ECM2: variants seen among roughly 807,000 people sequenced by gnomAD.
ECM2 encodes the protein extracellular matrix protein 2.
In ECM2, 57 loss-of-function variants were observed where a neutral mutation model predicts 67.5. The ratio of observed to expected loss-of-function variants is 0.84; its 90% CI spans 0.68 to 1.05. The LOEUF is 1.05. Ranked by LOEUF, ECM2 falls within the 50% of genes least tolerant of loss-of-function variation. The probability of loss-of-function intolerance (pLI) is 0.00; values close to 1 mark genes in which losing one functional copy is unlikely to be tolerated. For synonymous variants in ECM2, 258 were observed against 294.5 expected (o/e 0.88, Z 1.27); for missense variants, 741 against 822.8 (o/e 0.90, Z 1.22).
intron 2 of ECM2, among the ~76,000 whole-genome samples, chr9:92,518,985 C>T (rs1010398000): frequency 3.9e-5 from 6 of 152,150 alleles, no homozygotes; most frequent in African/African-American, 1.4e-4. Context: ...ATCAGCTAAG[C>T]AGGCCATTAG....
At chr9:92,500,463 G>A (rs867989380) in intron 9 of ECM2, among the ~76,000 whole-genome samples, 3 of 151,136 alleles carry the variant, frequency 2.0e-5, no homozygotes, top group South Asian at 2.1e-4. Flanking sequence ...AATTACAGGC[G>A]TGAGCCACTG....
intron 7 of ECM2, among the ~76,000 whole-genome samples, chr9:92,502,957 G>A (rs190247375): frequency 5.9e-5 from 9 of 151,770 alleles, no homozygotes; most frequent in African/African-American, 9.7e-5. Flanking sequence ...ACAGGTATGC[G>A]CCATGAAGCC....
the ECM2 span, among the ~76,000 whole-genome samples, chr9:92,557,355 G>C: frequency 6.6e-6 from 1 of 152,152 alleles, no homozygotes; most frequent in Non-Finnish European, 1.5e-5. Context: ...TCTTGTATTT[G>C]GATGTCTGGC....
intron 1 of ECM2, among the ~76,000 whole-genome samples, chr9:92,529,113 A>C (rs1014062012): frequency 1.3e-5 from 2 of 152,262 alleles, no homozygotes; most frequent in African/African-American, 4.8e-5. Flanking sequence ...AGCAGATTAG[A>C]CATTACCAAA....
At chr9:92,537,795 GA>G (rs541663517), upstream of ECM2, among the ~76,000 whole-genome samples, 94 of 152,310 alleles carry the variant, frequency 6.2e-4, no homozygotes, top group Admixed American at 2.5e-3. Flanking sequence ...TAACAGTCAA[GA>G]AAAGTAAATT....
chr9:92,514,296 A>T (rs1443578114), intron 4 of ECM2, among the ~76,000 whole-genome samples: 5 of 138,596 alleles, frequency 3.6e-5, no homozygotes, highest in South Asian at 2.3e-4. Context: ...TTTTTTTGAG[A>T]TGGAGTCTCG....
At chr9:92,546,969 C>T in the ECM2 span, among the ~76,000 whole-genome samples, 1 of 152,124 alleles carries the variant, frequency 6.6e-6, no homozygotes, top group Non-Finnish European at 1.5e-5. Context: ...TACAAACTGA[C>T]AGGGACGTCA....
the ECM2 span, among the ~76,000 whole-genome samples, chr9:92,546,501 C>G: frequency 1.3e-5 from 2 of 152,192 alleles, no homozygotes; most frequent in South Asian, 2.1e-4. Context: ...GAGAAAAGAA[C>G]AACTCCAGAC....
the ECM2 span, among the ~76,000 whole-genome samples, chr9:92,558,753 A>G: frequency 3.9e-5 from 6 of 152,222 alleles, no homozygotes; most frequent in African/African-American, 1.4e-4. Flanking sequence ...GGAAAGGACC[A>G]TCAGGTGGGG....
chr9:92,526,795 A>C (rs1427838845), intron 1 of ECM2, among the ~76,000 whole-genome samples: 1 of 152,096 alleles, frequency 6.6e-6, no homozygotes, highest in African/African-American at 2.4e-5. Context: ...CTTTTTTATA[A>C]ATTTAGTAGA....
chr9:92,549,578 C>CA, the ECM2 span, among the ~76,000 whole-genome samples: 1,065 of 146,534 alleles, frequency 7.3e-3, 11 homozygotes, highest in African/African-American at 0.023. Flanking sequence ...ACCTGGGAGG[C>CA]AAAGGTTACA....
chr9:92,544,201 C>T, the ECM2 span, among the ~76,000 whole-genome samples: 3 of 152,188 alleles, frequency 2.0e-5, no homozygotes, highest in South Asian at 2.1e-4. Flanking sequence ...TTGGGCTGGG[C>T]GTGGTGGCTC....
chr9:92,525,174 TG>T (rs1848313884), intron 1 of ECM2, among the ~76,000 whole-genome samples: 1 of 152,032 alleles, frequency 6.6e-6, no homozygotes, highest in African/African-American at 2.4e-5. Context: ...AAAAATTAGC[TG>T]GGCATGGTGG....
At chr9:92,514,554 C>G in intron 4 of ECM2, 77 bp downstream of exon 4, 1 of 1,506,544 alleles carries the variant, frequency 6.6e-7, no homozygotes. Flanking sequence ...AGATTATAGG[C>G]GTGAGCCACC....
At chr9:92,542,776 C>T in the ECM2 span, among the ~76,000 whole-genome samples, 9 of 152,224 alleles carry the variant, frequency 5.9e-5, no homozygotes, top group Admixed American at 2.6e-4. Flanking sequence ...CCTCCCAAAG[C>T]GCTGGGATTA....
intron 6 of ECM2, among the ~76,000 whole-genome samples, chr9:92,506,960 T>C (rs1183457609): frequency 2.0e-5 from 3 of 152,030 alleles, no homozygotes; most frequent in African/African-American, 7.3e-5. Context: ...CAGGCTGGAG[T>C]GCAATAGCGT....
chr9:92,517,986 T>C, intron 2 of ECM2, 111 bp from the exon 3 acceptor site: 1 of 1,255,588 alleles, frequency 8.0e-7, no homozygotes, highest in Non-Finnish European at 1.1e-6. Context: ...AAGAATAGAA[T>C]TCTATGTGCA....
Position 92,509,815 on chromosome 9 carries a change from G to A in ECM2, c.1306+84C>T, listed in dbSNP as rs1398140599. Reference sequence around the variant, plus strand: ...AAAAATATTTACTATTTATTCATTTGGCAATACAGTAAATAAAATTTCTAC... The same window carrying A: ...AAAAATATTTACTATTTATTCATTTAGCAATACAGTAAATAAAATTTCTAC... On this transcript the variant is annotated intron_variant, in intron 6 of 9. Transcript: ENST00000344604. 20 of 1,354,440 alleles carry A rather than the reference G, an allele frequency of 1.5e-5. No individual in the cohort carries two copies. In the East Asian group the frequency reaches 4.8e-4, roughly 32 times the overall value. 83.9% of individuals were successfully genotyped at this position (1,354,440 alleles called of 1,614,324 possible).
chr9:92,551,932 T>TATATATATATATATATG, the ECM2 span, among the ~76,000 whole-genome samples: 1 of 88,120 alleles, frequency 1.1e-5, no homozygotes, highest in African/African-American at 7.7e-5. Context: ...TGTGTATATA[T>TATATATATATATATATG]ATATATATAT....
Sources: gnomAD v4.1 joint callset for allele counts (sites outside exome capture counted in the v4.1 genomes callset) on GRCh38, gnomAD v4.1.1 for gene constraint, MANE v1.5 for transcripts, NCBI Gene and HGNC (gene_info 2026-07-23, HGNC 2026-07-21) for gene names.